PTPRM: variants seen among roughly 807,000 people sequenced by gnomAD.
PTPRM encodes receptor-type tyrosine-protein phosphatase mu.
PTPRM carries 47 observed loss-of-function variants against 186.7 expected under a neutral mutation model. The ratio of observed to expected loss-of-function variants is 0.25; its 90% CI spans 0.20 to 0.32. PTPRM has a LOEUF of 0.32. Among genes scored for constraint, PTPRM ranks in the 10% least tolerant of loss-of-function variants. The pLI, the probability that PTPRM is intolerant of heterozygous loss-of-function variation, is 1.00. For missense variants in PTPRM, 1,494 were observed against 1,865.0 expected, an observed-to-expected ratio of 0.80 and a Z score of 3.66; for synonymous variants, 668 against 674.9, an observed-to-expected ratio of 0.99 and a Z score of 0.16.
intron 8 of PTPRM, among the ~76,000 whole-genome samples, chr18:8,070,644 T>C (rs1568290403): frequency 1.3e-5 from 2 of 152,234 alleles, no homozygotes; most frequent in Admixed American, 6.5e-5. Flanking sequence ...AGTAAAATTA[T>C]GCCTTGAATC....
rs549658759 is a variant in PTPRM at position 7,765,149 on chromosome 18, CTTTG to C, written c.74-8994_74-8991del. Among the ~76,000 whole-genome samples the C allele has an allele frequency of 1.4e-3, 209 of 152,134 alleles. 1 individual carries two copies. The highest frequency in any genetic ancestry group is 2.3e-3 in the Non-Finnish European group (156 of 68,022). On this transcript the variant is annotated intron_variant, in intron 1 of 32. Coordinates refer to ENST00000580170, the MANE Select transcript of PTPRM (RefSeq NM_001105244.2). ...TTTACTATCAATAAGAAAAATACAT[CTTTG>C]TTTGTCGCAACTCAGCCTTTTAAAA...
intron 2 of PTPRM, among the ~76,000 whole-genome samples, chr18:7,821,523 C>A (rs1299645387): frequency 6.6e-6 from 1 of 152,126 alleles, no homozygotes. Context: ...ATGCCTGAAA[C>A]CACCGAGGCA....
chr18:7,688,704 T>C (rs1325273955), intron 1 of PTPRM, among the ~76,000 whole-genome samples: 1 of 152,210 alleles, frequency 6.6e-6, no homozygotes, highest in Non-Finnish European at 1.5e-5. Context: ...GTTCCCCTTC[T>C]GGCATCTCTC....
intron 1 of PTPRM, among the ~76,000 whole-genome samples, chr18:7,682,110 C>T (rs1044306114): frequency 6.6e-6 from 1 of 152,194 alleles, no homozygotes; most frequent in Non-Finnish European, 1.5e-5. Context: ...GGTCTCAAGA[C>T]TGCACAGCTA....
intron 1 of PTPRM, among the ~76,000 whole-genome samples, chr18:7,630,809 T>C (rs1457904585): frequency 1.3e-5 from 2 of 152,198 alleles, no homozygotes; most frequent in African/African-American, 4.8e-5. Flanking sequence ...TTTGTTTTTC[T>C]CTCCTTGAGA....
At chr18:7,650,444 T>TTCCCCCC (rs2038670695) in intron 1 of PTPRM, among the ~76,000 whole-genome samples, 3 of 85,606 alleles carry the variant, frequency 3.5e-5, no homozygotes, top group African/African-American at 1.1e-4. Flanking sequence ...AACTTTCAAA[T>TTCCCCCC]CCCCCCCCCC....
chr18:7,809,348 A>T (rs2044390462), intron 2 of PTPRM, among the ~76,000 whole-genome samples: 1 of 152,114 alleles, frequency 6.6e-6, no homozygotes, highest in Non-Finnish European at 1.5e-5. Context: ...AGGAAGCGAG[A>T]TTTAAAGGGT....
chr18:7,628,935 G>T (rs1158704449), intron 1 of PTPRM, among the ~76,000 whole-genome samples: 1 of 152,200 alleles, frequency 6.6e-6, no homozygotes, highest in African/African-American at 2.4e-5. Flanking sequence ...AAGGTTCGCA[G>T]TTTCCAGCTC....
At chr18:8,310,083 C>T (rs1481168684) in intron 20 of PTPRM, among the ~76,000 whole-genome samples, 1 of 152,146 alleles carries the variant, frequency 6.6e-6, no homozygotes, top group Non-Finnish European at 1.5e-5. Context: ...ATGGCACCAT[C>T]TTCTGCCCTT....
chr18:7,675,078 T>C (rs1175853783), intron 1 of PTPRM, among the ~76,000 whole-genome samples: 2 of 152,272 alleles, frequency 1.3e-5, no homozygotes, highest in Non-Finnish European at 1.5e-5. Flanking sequence ...TTACCCAAGC[T>C]GTATCTTGAA....
intron 1 of PTPRM, among the ~76,000 whole-genome samples, chr18:7,769,585 GGGT>G (rs1336456829): frequency 6.6e-6 from 1 of 152,100 alleles, no homozygotes; most frequent in African/African-American, 2.4e-5. Flanking sequence ...TTTTGGTGGT[GGGT>G]GGGTGGAGTC....
intron 23 of PTPRM, among the ~76,000 whole-genome samples, chr18:8,343,846 A>G (rs903449221): frequency 8.2e-6 from 1 of 121,674 alleles, no homozygotes; most frequent in Non-Finnish European, 1.8e-5. Context: ...TGCATTAGAC[A>G]TGACTACCTT....
chr18:7,760,538 G>C (rs886461460), intron 1 of PTPRM, among the ~76,000 whole-genome samples: 2 of 152,090 alleles, frequency 1.3e-5, no homozygotes, highest in African/African-American at 2.4e-5. Context: ...AGGATCACAG[G>C]GTGAAAAACT....
At chr18:8,241,622 A>G (rs1293625556) in intron 14 of PTPRM, among the ~76,000 whole-genome samples, 1 of 152,228 alleles carries the variant, frequency 6.6e-6, no homozygotes, top group African/African-American at 2.4e-5. Flanking sequence ...ATCAGTGTGC[A>G]GGAGCTGAGT....
chr18:8,343,225 G>A (rs547437084), intron 22 of PTPRM, among the ~76,000 whole-genome samples, 198 bp from the exon 23 acceptor site: 23 of 152,276 alleles, frequency 1.5e-4, no homozygotes, highest in Non-Finnish European at 2.5e-4. Context: ...AAAATTCAGC[G>A]ACAAATGACA....
intron 19 of PTPRM, among the ~76,000 whole-genome samples, chr18:8,279,794 G>A (rs544145515): frequency 6.6e-6 from 1 of 152,306 alleles, no homozygotes; most frequent in South Asian, 2.1e-4. Flanking sequence ...TGCCTGCAGA[G>A]TTTGCAGTCT....
intron 14 of PTPRM, chr18:8,155,109 A>G (rs1462588346): frequency 6.9e-6 from 1 of 145,746 alleles, no homozygotes; most frequent in Non-Finnish European, 1.5e-5. Context: ...AATAACTTGA[A>G]TAGGACATAT....
At chr18:7,711,225 A>C (rs2040206121) in intron 1 of PTPRM, among the ~76,000 whole-genome samples, 1 of 152,170 alleles carries the variant, frequency 6.6e-6, no homozygotes, top group African/African-American at 2.4e-5. Flanking sequence ...GGGAAGCTCA[A>C]GGGGTCGGGG....
intron 14 of PTPRM, among the ~76,000 whole-genome samples, chr18:8,188,958 C>T (rs116226502): frequency 4.6e-5 from 7 of 152,144 alleles, no homozygotes; most frequent in South Asian, 2.1e-4. Context: ...TCAGAAAATA[C>T]TTTTCCAAAG....
Sources: allele counts gnomAD v4.1 joint callset (sites outside exome capture counted in the v4.1 genomes callset), GRCh38; gene constraint gnomAD v4.1.1; transcripts MANE v1.5; gene names NCBI Gene and HGNC (gene_info 2026-07-23, HGNC 2026-07-21).